The following AP1G2 variants were observed in gnomAD, a reference collection of about 807,000 sequenced individuals.
The protein encoded by AP1G2 is AP-1 complex subunit gamma-like 2.
A neutral mutation model predicts 95.8 loss-of-function variants in AP1G2; 85 were observed. The ratio of observed to expected loss-of-function variants is 0.89; its 90% CI spans 0.74 to 1.06. The LOEUF (loss-of-function observed/expected upper bound fraction) is 1.06. Among genes scored for constraint, AP1G2 ranks in the 50% least tolerant of loss-of-function variants. The probability of loss-of-function intolerance (pLI) is 0.00; values close to 1 mark genes in which losing one functional copy is unlikely to be tolerated. For missense variants in AP1G2, 967 were observed against 1,005.8 expected (o/e 0.96, Z 0.52); for synonymous variants, 378 against 400.0 (o/e 0.94, Z 0.66).
Position 23,566,407 on chromosome 14 carries a change from C to T in AP1G2, c.342G>A (p.Gln114=). The T allele has an allele frequency of 6.2e-7, 1 of 1,613,844 alleles. No homozygotes were observed. Among genetic ancestry groups the T allele is most frequent in the Non-Finnish European group, 8.5e-7 (1 of 1,179,908 alleles). The change falls in exon 4 of 22, where the codon CAG becomes CAA. Residue 114 remains glutamine, a synonymous_variant. Transcript: ENST00000397120. ...CCAGGCCTTGTACTGGCTGAATCCC[C>T]TGGCTCAGGTCACTGCAGGGTTTGG... is the stretch of plus-strand genomic sequence containing the variant. ...ITNSIKNDLS[Q]GIQPVQGLAL... is the part of the protein sequence containing the mutation.
rs570047623 is a variant in AP1G2, at chr14:23,559,853, A to C, written c.2257-3T>G. The C allele has an allele frequency of 6.2e-7, 1 of 1,614,060 alleles. No individual in the cohort carries two copies. The highest frequency in any genetic ancestry group is 1.3e-5 in the African/African-American group (1 of 75,030). ...CGCAGCTTTAGCCGCAGGGGGGCCT[A>C]GGAATAGGAGAGCAGGGACCAGGGT... On this transcript the variant is annotated splice_region_variant and splice_polypyrimidine_tract_variant and intron_variant, in intron 21 of 21. Coordinates refer to ENST00000397120, the MANE Select transcript of AP1G2 (RefSeq NM_003917.5).
chr14:23,561,418 A>G lies in AP1G2; in HGVS notation c.1871T>C (p.Leu624Pro), dbSNP rs1175060507. The G allele has an allele frequency of 6.2e-7, 1 of 1,610,124 alleles. No individual in the cohort carries two copies. The highest frequency in any genetic ancestry group is 8.5e-7 in the Non-Finnish European group (1 of 1,177,262). ...CCCATCCAGGAGATCTAGCAGATCC[A>G]GGAGCTGTGAGGCCTGGCAGAAGGG... ...VPTEPQASQL[L>P]DLLDLLDGAS... The change falls in exon 19 of 22, where the codon CTG becomes CCG. Residue 624 changes from leucine to proline, a missense_variant. By Grantham distance (98) the Leu-to-Pro change is moderately conservative (BLOSUM62 -3). Transcript: ENST00000397120.
chr14:23,562,695 G>GAGT, intron 14 of AP1G2, 102 bp from the exon 15 acceptor site: 1 of 1,200,028 alleles, frequency 8.3e-7, no homozygotes, highest in South Asian at 1.4e-5. Context: ...TTGAGACCAG[G>GAGT]AGTTCAAGAC....
Position 23,561,551 on chromosome 14 carries a change from G to T in AP1G2, c.1818C>A (p.Ala606=). 1 of 1,614,156 alleles carries T rather than the reference G, an allele frequency of 6.2e-7. No individual in the cohort carries two copies. The change falls in exon 18 of 22, where the codon GCC becomes GCA. Residue 606 remains alanine, a synonymous_variant. Coordinates refer to ENST00000397120, the MANE Select transcript of AP1G2 (RefSeq NM_003917.5). ...GCACTGGGGCTGCTTCTGAAAGCTG[G>T]GCTGCTTCTTTGCTTTCCTTTGCTT... ...DEEAKESKEA[A]QLSEAAPVPT...
At chr14:23,560,592 A>C in intron 19 of AP1G2, 174 bp from the exon 20 acceptor site, 1 of 621,580 alleles carries the variant, frequency 1.6e-6, no homozygotes, top group Non-Finnish European at 2.5e-6. Flanking sequence ...GAGAGAAACA[A>C]TAAAAAAAGG....
intron 5 of AP1G2, 75 bp downstream of exon 5, chr14:23,565,989 C>T (rs776261740): frequency 6.2e-7 from 1 of 1,612,628 alleles, no homozygotes; most frequent in Non-Finnish European, 8.5e-7. Flanking sequence ...CTCCTGTGAG[C>T]TGGGGTTCCC....
In AP1G2 at chr14:23,559,999, G is replaced by C. The variant is rs1247180749; in HGVS notation, c.2195C>G (p.Thr732Arg). 6.2e-7 allele frequency: 1 copy of C among 1,612,006 alleles called. No individual in the cohort carries two copies. The highest frequency in any genetic ancestry group is 8.5e-7 in the Non-Finnish European group (1 of 1,178,736). Residue 732 changes from threonine to arginine, a missense_variant, in exon 21 of 22, where the codon ACA (threonine) becomes AGA (arginine). Transcript: ENST00000397120. ...QLQLQAPSGN[T>R]VPARGGLPIT... The stretch of plus-strand genomic sequence containing the variant: ...AGGAAGGCCACCCCGAGCTGGAACT[G>C]TGTTCCCACTGGGGGCCTGCAGCTG...
chr14:23,559,719 A>G lies in AP1G2; in HGVS notation c.*30T>C, dbSNP rs769291265. On this transcript the variant is annotated 3_prime_UTR_variant, in exon 22 of 22. Transcript: ENST00000397120. ...TGGGGCCCCCTGGGGTTTGGGACAC[A>G]GGAGAATTTCAGGCTGTGAGTGGAG... is the stretch of plus-strand genomic sequence containing the variant. 2.5e-6 allele frequency: 4 copies of G among 1,609,482 alleles called. No individual in the cohort carries two copies. In the South Asian group the frequency reaches 3.3e-5, roughly 13 times the overall value.
chr14:23,563,943 C>T lies in AP1G2; in HGVS notation c.1092-87G>A, dbSNP rs1451874511. On this transcript the variant is annotated intron_variant, in intron 11 of 21. Transcript: ENST00000397120. ...CCTCTGCTTCCCCAGGGACCTGTCC[C>T]CCTTAGTCCCCTTACTCCAGCTGCT... 3.8e-6 allele frequency: 6 copies of T among 1,599,958 alleles called. 1 individual carries two copies. Among genetic ancestry groups the T allele is most frequent in the South Asian group, 2.3e-5 (2 of 88,654 alleles).
intron 8 of AP1G2, 140 bp downstream of exon 8, chr14:23,564,979 C>T: frequency 1.2e-6 from 1 of 824,658 alleles, no homozygotes. Context: ...GACTGTGTCC[C>T]TTCTTCATGG....
Position 23,566,371 on chromosome 14 carries a change from AGT to A in AP1G2, c.376_377del (p.Thr126PhefsTer8). 6.2e-7 allele frequency: 1 copy of A among 1,614,070 alleles called. No individual in the cohort carries two copies. ...TCTCAGCAGAGCCCATGGTGCTCAA[AGT>A]GCACAAGGCCAGGCCTTGTACTGGC... ...IQPVQGLALC[T>X]LSTMGSAEMC... On this transcript the variant is annotated frameshift_variant, in exon 4 of 22. Transcript: ENST00000397120. LOFTEE classifies it high-confidence loss of function.
chr14:23,562,825 G>A, intron 14 of AP1G2: 1 of 583,512 alleles, frequency 1.7e-6, no homozygotes, highest in South Asian at 2.0e-5. Context: ...TTCCAGACCT[G>A]GCAATATCCC....
Position 23,560,254 on chromosome 14 carries a change from C to G in AP1G2, c.2157+1G>C, listed in dbSNP as rs1463580131. 6.2e-7 allele frequency: 1 copy of G among 1,613,268 alleles called. No homozygotes were observed. Among genetic ancestry groups the G allele is most frequent in the Non-Finnish European group, 8.5e-7 (1 of 1,179,974 alleles). On this transcript the variant is annotated splice_donor_variant, in intron 20 of 21. Transcript: ENST00000397120. LOFTEE classifies it high-confidence loss of function. ...ACCTCTGAACTCTGATCTTTACAAA[C>G]CTTGGGCACAGCAGCCTGGCAGATG...
At chr14:23,566,946 G>A (rs1351675887) in intron 2 of AP1G2, 165 bp downstream of exon 2, 1 of 919,828 alleles carries the variant, frequency 1.1e-6, no homozygotes, top group Non-Finnish European at 1.6e-6. Flanking sequence ...CAGGCCAGCT[G>A]ATGACCAGTA....
chr14:23,561,471 C>T lies in AP1G2; in HGVS notation c.1858-40G>A, dbSNP rs748270219. 3.1e-6 allele frequency: 5 copies of T among 1,614,096 alleles called. No individual in the cohort carries two copies. In the Admixed American group the frequency reaches 8.3e-5, roughly 27 times the overall value. ...AGAAGGGGCAGGGCTGGGTATGAAG[C>T]TCAGCCCGTCTTCCTACCCCAGAGT... On this transcript the variant is annotated intron_variant, in intron 18 of 21. Coordinates refer to ENST00000397120, the MANE Select transcript of AP1G2 (RefSeq NM_003917.5).
rs149626770 is a variant in AP1G2 at position 23,564,527 on chromosome 14, C to T, written c.921+35G>A. 159 of 1,607,176 alleles carry T rather than the reference C, an allele frequency of 9.9e-5. No homozygotes were observed. The African/African-American group carries it at 1.2e-3, about 12-fold the overall frequency. Reference sequence around the variant, plus strand: ...GGACCTGTGTGGGTGAGGTGGTGGGCGGGGCCGTAGTGGGAGAGGCATAAG... The same window carrying T: ...GGACCTGTGTGGGTGAGGTGGTGGGTGGGGCCGTAGTGGGAGAGGCATAAG... On this transcript the variant is annotated intron_variant, in intron 9 of 21. Transcript: ENST00000397120.
At chr14:23,560,465 C>T in intron 19 of AP1G2, 47 bp from the exon 20 acceptor site, 1 of 1,566,446 alleles carries the variant, frequency 6.4e-7, no homozygotes, top group Non-Finnish European at 8.7e-7. Flanking sequence ...TTTGAGAGAA[C>T]ATGTTTGTTC....
chr14:23,561,832 CAGTG>C (rs760039637), intron 17 of AP1G2, 126 bp downstream of exon 17: 350 of 1,469,136 alleles, frequency 2.4e-4, no homozygotes, highest in Non-Finnish European at 3.0e-4. Flanking sequence ...CTTCAATTAA[CAGTG>C]GGTGGGAAGC....
In AP1G2 at chr14:23,565,841, G is replaced by A; in HGVS notation, c.620C>T (p.Pro207Leu). The A allele has an allele frequency of 6.3e-7, 1 of 1,576,754 alleles. No homozygotes were observed. Among genetic ancestry groups the A allele is most frequent in the East Asian group, 2.2e-5 (1 of 44,570 alleles). Residue 207 changes from proline (P) to leucine (L), a missense_variant, in exon 6 of 22, where the codon CCT (proline) becomes CTT (leucine). Physicochemically the swap from Pro to Leu is moderately conservative, Grantham distance 98. Coordinates refer to ENST00000397120, the MANE Select transcript of AP1G2 (RefSeq NM_003917.5). ...TLITELCERS[P>L]AALRHFRKVV... ...CTTTCGGAAGTGCCTGAGGGCTGCA[G>A]GGCTTCGTTCGCAGAGCTCCGTGAT...
Sources: allele counts gnomAD v4.1 joint callset, GRCh38; gene constraint gnomAD v4.1.1; transcripts MANE v1.5; gene names NCBI Gene and HGNC (gene_info 2026-07-23, HGNC 2026-07-21).